Variants in TACR3 observed in about 807,000 individuals in gnomAD.
The protein encoded by TACR3 is tachykinin receptor 3.
Under a neutral mutation model 35.0 loss-of-function variants are expected in TACR3, and 34 were observed. That is an observed-to-expected ratio of 0.97 (90% CI 0.74 to 1.30). TACR3 has a LOEUF of 1.30. Among genes scored for constraint, TACR3 ranks in the 50% most tolerant of loss-of-function variants. The pLI, the probability that TACR3 is intolerant of heterozygous loss-of-function variation, is 0.00. For synonymous variants in TACR3, 233 were observed against 221.1 expected (o/e 1.05, Z -0.48); for missense variants, 558 against 591.7 (o/e 0.94, Z 0.59).
chr4:103,615,504 A>G (rs552606813), intron 3 of TACR3, among the ~76,000 whole-genome samples: 15 of 151,994 alleles, frequency 9.9e-5, no homozygotes, highest in Admixed American at 6.6e-4. Context: ...AGCAAGCCTA[A>G]TTGTTGGATA....
intron 1 of TACR3, among the ~76,000 whole-genome samples, chr4:103,680,522 TACACATATATATAC>T (rs1722025171): frequency 6.8e-6 from 1 of 146,720 alleles, no homozygotes; most frequent in Admixed American, 6.8e-5. Context: ...CATATATATA[TACACATATATATAC>T]ATATATATAC....
chr4:103,713,875 C>G (rs1723027897), intron 1 of TACR3, among the ~76,000 whole-genome samples: 1 of 152,012 alleles, frequency 6.6e-6, no homozygotes, highest in Non-Finnish European at 1.5e-5. Context: ...AAGTTGGAAG[C>G]CGAGAGGTGA....
At chr4:103,680,928 A>C (rs552364197) in intron 1 of TACR3, among the ~76,000 whole-genome samples, 1 of 151,900 alleles carries the variant, frequency 6.6e-6, no homozygotes, top group African/African-American at 2.4e-5. Context: ...AGAAAACTCT[A>C]ATTATAGGAG....
At chr4:103,701,153 T>C (rs1010864948) in intron 1 of TACR3, among the ~76,000 whole-genome samples, 3 of 152,060 alleles carry the variant, frequency 2.0e-5, no homozygotes, top group African/African-American at 4.8e-5. Context: ...GAAAACCCCA[T>C]TGTCTCAGCC....
At chr4:103,671,102 TGTTTCATGTTTATGGATTTGATGTGA>T (rs1437657621) in intron 1 of TACR3, among the ~76,000 whole-genome samples, 1 of 152,048 alleles carries the variant, frequency 6.6e-6, no homozygotes, top group Non-Finnish European at 1.5e-5. Flanking sequence ...GTTGATGTAA[TGTTTCATGTTTATGGATTTGATGTGA>T]ATCTCACCTG....
At chr4:103,605,722 T>C (rs1425049608) in intron 3 of TACR3, among the ~76,000 whole-genome samples, 14 of 152,076 alleles carry the variant, frequency 9.2e-5, no homozygotes, top group African/African-American at 2.4e-4. Flanking sequence ...TTCTGGATAT[T>C]AGCCCTTTGT....
At chr4:103,606,229 C>T (rs1316222139) in intron 3 of TACR3, among the ~76,000 whole-genome samples, 1 of 151,708 alleles carries the variant, frequency 6.6e-6, no homozygotes, top group East Asian at 1.9e-4. Flanking sequence ...TTACTGTAGC[C>T]TTGTAGTATA....
chr4:103,627,738 G>C (rs925454247), intron 3 of TACR3, among the ~76,000 whole-genome samples: 5 of 152,062 alleles, frequency 3.3e-5, no homozygotes, highest in Non-Finnish European at 5.9e-5. Flanking sequence ...AGATCAACAA[G>C]ACAGAAGGTT....
At chr4:103,705,253 CTG>C (rs1722759727) in intron 1 of TACR3, among the ~76,000 whole-genome samples, 1 of 152,080 alleles carries the variant, frequency 6.6e-6, no homozygotes, top group Non-Finnish European at 1.5e-5. Context: ...TAATTTTAAA[CTG>C]TAAAAATTGC....
intron 1 of TACR3, among the ~76,000 whole-genome samples, chr4:103,716,579 T>C (rs1431764915): frequency 6.6e-6 from 1 of 152,002 alleles, no homozygotes; most frequent in Non-Finnish European, 1.5e-5. Context: ...TAGCTTAAGG[T>C]TCTCCATTTG....
intron 1 of TACR3, among the ~76,000 whole-genome samples, chr4:103,713,621 T>G (rs1723021370): frequency 1.3e-5 from 2 of 149,312 alleles, no homozygotes; most frequent in South Asian, 4.2e-4. Context: ...TAAAGTATAA[T>G]AATAATAATA....
At chr4:103,712,756 A>C (rs1722999989) in intron 1 of TACR3, among the ~76,000 whole-genome samples, 1 of 152,196 alleles carries the variant, frequency 6.6e-6, no homozygotes, top group South Asian at 2.1e-4. Flanking sequence ...AGAATCTACA[A>C]AGAACTCAAA....
intron 1 of TACR3, among the ~76,000 whole-genome samples, chr4:103,703,786 G>A (rs1305448527): frequency 1.3e-5 from 2 of 151,960 alleles, no homozygotes; most frequent in African/African-American, 4.8e-5. Context: ...AGAAGATGAA[G>A]GAACTTTGGG....
At chr4:103,603,206 T>C (rs923912319) in intron 3 of TACR3, among the ~76,000 whole-genome samples, 1 of 152,220 alleles carries the variant, frequency 6.6e-6, no homozygotes, top group Non-Finnish European at 1.5e-5. Flanking sequence ...ATGTGCGGGA[T>C]ATAATCTCCT....
chr4:103,673,626 G>A (rs1187428130), intron 1 of TACR3, among the ~76,000 whole-genome samples: 1 of 151,896 alleles, frequency 6.6e-6, no homozygotes, highest in African/African-American at 2.4e-5. Flanking sequence ...TAAAAATATG[G>A]TGACTATTGC....
chr4:103,717,596 A>G (rs1578271554), intron 1 of TACR3, among the ~76,000 whole-genome samples: 1 of 152,198 alleles, frequency 6.6e-6, no homozygotes, highest in African/African-American at 2.4e-5. Context: ...TTCATATTGC[A>G]TGATTAATCT....
intron 3 of TACR3, among the ~76,000 whole-genome samples, chr4:103,611,151 C>T (rs1273124606): frequency 2.0e-5 from 3 of 151,998 alleles, no homozygotes; most frequent in African/African-American, 7.3e-5. Flanking sequence ...TTTCCTATTT[C>T]TGTGAACACT....
rs1723776372 is a variant in TACR3 at position 103,586,642 on chromosome 4, G to A, written c.*3040C>T. ...TCACTCTGAAATTGCTCAGTTCACT[G>A]TTTCTAAGACATTGGCAGGATTTGG... On this transcript the variant is annotated 3_prime_UTR_variant, in exon 5 of 5. Transcript: ENST00000304883. 6.6e-6 allele frequency: 1 copy of A among 152,036 alleles called. No individual in the cohort carries two copies. The highest frequency in any genetic ancestry group is 2.1e-4 in the South Asian group (1 of 4,826). 9.4% of individuals were successfully genotyped at this position (152,036 alleles called of 1,614,324 possible). A position where few individuals can be genotyped will look rare whatever the true frequency, so the allele number is the denominator to read the frequency against.
rs1194674309 is a variant in TACR3, at chr4:103,587,786, A to G, written c.*1896T>C. ...ATAAATATATGTTTTAAGAATGAAC[A>G]TTCAAAAACATTATATTCAAACAAT... On this transcript the variant is annotated 3_prime_UTR_variant, in exon 5 of 5. Coordinates refer to ENST00000304883, the MANE Select transcript of TACR3 (RefSeq NM_001059.3). The G allele has an allele frequency of 6.6e-6, 1 of 152,148 alleles. No homozygotes were observed. The highest frequency in any genetic ancestry group is 6.6e-5 in the Admixed American group (1 of 15,254). The allele number at this position is 152,148 out of a possible 1,614,324, so 9.4% of individuals were successfully genotyped here. A position where few individuals can be genotyped will look rare whatever the true frequency, so the allele number is the denominator to read the frequency against.
Sources: gnomAD v4.1 joint callset for allele counts (sites outside exome capture counted in the v4.1 genomes callset) on GRCh38, gnomAD v4.1.1 for gene constraint, MANE v1.5 for transcripts, NCBI Gene and HGNC (gene_info 2026-07-23, HGNC 2026-07-21) for gene names.